SLCO1A2: variants seen among roughly 807,000 people sequenced by gnomAD.
SLCO1A2 encodes the protein OATP-1.
SLCO1A2 carries 67 observed loss-of-function variants against 69.0 expected under a neutral mutation model. That is an observed-to-expected ratio of 0.97 (90% CI 0.80 to 1.19). The LOEUF (loss-of-function observed/expected upper bound fraction) is 1.19, where lower values mean the gene tolerates loss of function less well. SLCO1A2 is among the 50% of genes most tolerant of loss of function. The pLI is 0.00. For synonymous variants in SLCO1A2, 260 were observed against 265.9 expected (o/e 0.98, Z 0.22); for missense variants, 787 against 793.7 (o/e 0.99, Z 0.10).
At chr12:21,276,556 C>CAAAAAA (rs1207227203) in intron 12 of SLCO1A2, among the ~76,000 whole-genome samples, 20 of 145,114 alleles carry the variant, frequency 1.4e-4, no homozygotes, top group African/African-American at 4.3e-4. Context: ...AAAAAAAAAC[C>CAAAAAA]AAAAAAAACC....
At chr12:21,275,739 G>A (rs1351859002) in intron 12 of SLCO1A2, among the ~76,000 whole-genome samples, 2 of 152,032 alleles carry the variant, frequency 1.3e-5, no homozygotes, top group African/African-American at 2.4e-5. Context: ...TCAGGAGCTC[G>A]AGACCAGCCT....
At chr12:21,407,901 C>T (rs953250632) in intron 1 of SLCO1A2, among the ~76,000 whole-genome samples, 9 of 151,842 alleles carry the variant, frequency 5.9e-5, no homozygotes, top group Middle Eastern at 6.8e-3. Context: ...CAAATCGCTA[C>T]TGCAAAAGCC....
intron 2 of SLCO1A2, among the ~76,000 whole-genome samples, chr12:21,328,875 A>G (rs141705923): frequency 2.4e-3 from 358 of 152,294 alleles, no homozygotes; most frequent in African/African-American, 7.8e-3. Flanking sequence ...GTCATATTCA[A>G]TGGGAGAATA....
intron 2 of SLCO1A2, among the ~76,000 whole-genome samples, chr12:21,340,466 GA>G (rs1487589389): frequency 1.3e-5 from 2 of 151,978 alleles, no homozygotes; most frequent in Non-Finnish European, 2.9e-5. Flanking sequence ...GTTGGAAGAA[GA>G]AAAAGAGAAA....
chr12:21,290,800 G>A (rs1411408532), intron 12 of SLCO1A2, among the ~76,000 whole-genome samples: 2 of 152,054 alleles, frequency 1.3e-5, no homozygotes, highest in Non-Finnish European at 2.9e-5. Flanking sequence ...ACTAAGGTAA[G>A]AAACTTGTTA....
At chr12:21,408,301 T>C (rs1460565145) in intron 1 of SLCO1A2, among the ~76,000 whole-genome samples, 1 of 152,050 alleles carries the variant, frequency 6.6e-6, no homozygotes, top group African/African-American at 2.4e-5. Flanking sequence ...CTTCTTTGTG[T>C]CTATCAACCT....
At chr12:21,340,240 T>C (rs4762817) in intron 2 of SLCO1A2, among the ~76,000 whole-genome samples, 9,011 of 152,140 alleles carry the variant, frequency 0.059, 311 homozygotes, top group Non-Finnish European at 0.077. Context: ...TGTTGCATCA[T>C]GTAAACACAG....
chr12:21,419,001 A>C (rs986274014), upstream of SLCO1A2, among the ~76,000 whole-genome samples: 1 of 152,160 alleles, frequency 6.6e-6, no homozygotes, highest in South Asian at 2.1e-4. Context: ...GGAAGATGAA[A>C]TAGATATACT....
At chr12:21,325,785 T>A (rs974213492) in intron 2 of SLCO1A2, among the ~76,000 whole-genome samples, 3 of 152,148 alleles carry the variant, frequency 2.0e-5, no homozygotes, top group African/African-American at 7.2e-5. Context: ...CTGGGGTGAG[T>A]CCTCTGACTC....
chr12:21,341,932 T>C (rs764023324), intron 2 of SLCO1A2, among the ~76,000 whole-genome samples: 3 of 152,054 alleles, frequency 2.0e-5, no homozygotes, highest in African/African-American at 7.2e-5. Flanking sequence ...GCTCTGTGTA[T>C]GTATAAATGA....
At chr12:21,366,423 A>G (rs1483547451) in intron 2 of SLCO1A2, among the ~76,000 whole-genome samples, 2 of 152,058 alleles carry the variant, frequency 1.3e-5, no homozygotes, top group Non-Finnish European at 2.9e-5. Flanking sequence ...GAGGGATAGC[A>G]TTAGGAGATA....
At chr12:21,371,506 A>G (rs1939786824) in intron 2 of SLCO1A2, among the ~76,000 whole-genome samples, 1 of 152,162 alleles carries the variant, frequency 6.6e-6, no homozygotes, top group African/African-American at 2.4e-5. Context: ...TCCTCCTGAA[A>G]TCTCTACCAA....
Position 21,300,675 on chromosome 12 carries a change from T to C in SLCO1A2, c.689-106A>G, listed in dbSNP as rs4148995. ...TATCGGGTCCCAACCAACTATAAAA[T>C]TGGCTTATAATTCAGACACTGATAA... On this transcript the variant is annotated intron_variant, in intron 7 of 14. Coordinates refer to ENST00000683939, the MANE Select transcript of SLCO1A2 (RefSeq NM_001386879.1). 25,114 of 912,030 alleles carry C rather than the reference T, an allele frequency of 0.028. 2,537 individuals are homozygous for C. In the East Asian group the frequency reaches 0.32, roughly 12 times the overall value. 56.5% of individuals were successfully genotyped at this position (912,030 alleles called of 1,614,324 possible).
At chr12:21,419,014 T>G (rs942093392), upstream of SLCO1A2, among the ~76,000 whole-genome samples, 9 of 152,170 alleles carry the variant, frequency 5.9e-5, 1 homozygote, top group African/African-American at 2.2e-4. Context: ...GATATACTTT[T>G]CCCTATTTCT....
At chr12:21,348,259 C>CT (rs1937659354) in intron 2 of SLCO1A2, among the ~76,000 whole-genome samples, 1 of 152,178 alleles carries the variant, frequency 6.6e-6, no homozygotes, top group Non-Finnish European at 1.5e-5. Flanking sequence ...CAGTTACACT[C>CT]TTTAAGTTAT....
At chr12:21,336,047 C>T (rs1434629475), upstream of SLCO1A2, among the ~76,000 whole-genome samples, 1 of 152,040 alleles carries the variant, frequency 6.6e-6, no homozygotes, top group African/African-American at 2.4e-5. Context: ...ATGCAATTTG[C>T]TTGGTATGTA....
chr12:21,324,917 T>C (rs1380255378), intron 2 of SLCO1A2, among the ~76,000 whole-genome samples: 1 of 152,222 alleles, frequency 6.6e-6, no homozygotes, highest in African/African-American at 2.4e-5. Context: ...CAAGATCCTA[T>C]GCAAACAATT....
chr12:21,271,665 A>G (rs1942869386), intron 14 of SLCO1A2, among the ~76,000 whole-genome samples: 1 of 121,358 alleles, frequency 8.2e-6, no homozygotes, highest in African/African-American at 2.6e-5. Flanking sequence ...ATGTGTATAT[A>G]AACATATATA....
intron 8 of SLCO1A2, among the ~76,000 whole-genome samples, chr12:21,299,770 G>GTGTGTA (rs781710145): frequency 7.7e-6 from 1 of 129,704 alleles, no homozygotes; most frequent in African/African-American, 2.8e-5. Flanking sequence ...ATATACGTGT[G>GTGTGTA]TATATATATA....
Sources: gnomAD v4.1 joint callset for allele counts (sites outside exome capture counted in the v4.1 genomes callset) on GRCh38, gnomAD v4.1.1 for gene constraint, MANE v1.5 for transcripts, NCBI Gene and HGNC (gene_info 2026-07-23, HGNC 2026-07-21) for gene names.